The following DENND2C variants were observed in gnomAD, a reference collection of about 807,000 sequenced individuals.
The protein encoded by DENND2C is DENN domain containing 2C.
DENND2C carries 72 observed loss-of-function variants against 112.4 expected under a neutral mutation model. The ratio of observed to expected loss-of-function variants is 0.64; its 90% CI spans 0.53 to 0.78. The LOEUF (loss-of-function observed/expected upper bound fraction) is 0.78, where lower values mean the gene tolerates loss of function less well. Ranked by LOEUF, DENND2C falls within the 30% of genes least tolerant of loss-of-function variation. The probability of loss-of-function intolerance (pLI) is 0.00; values close to 1 mark genes in which losing one functional copy is unlikely to be tolerated. For synonymous variants in DENND2C, 329 were observed against 381.6 expected, an observed-to-expected ratio of 0.86 and a Z score of 1.61; for missense variants, 992 against 1,113.8, an observed-to-expected ratio of 0.89 and a Z score of 1.56.
At chr1:114,664,305 C>T (rs896327647) in intron 1 of DENND2C, among the ~76,000 whole-genome samples, 1 of 151,936 alleles carries the variant, frequency 6.6e-6, no homozygotes, top group South Asian at 2.1e-4. Context: ...AATATGCTTT[C>T]GAAGCTTTGA....
intron 1 of DENND2C, among the ~76,000 whole-genome samples, chr1:114,659,964 T>C (rs1657450568): frequency 2.9e-4 from 1 of 3,454 alleles, no homozygotes; most frequent in Non-Finnish European, 7.1e-4. Flanking sequence ...CTAATTTTTT[T>C]ATTTTTAGTA....
chr1:114,663,896 C>T (rs571656841), intron 1 of DENND2C, among the ~76,000 whole-genome samples: 2 of 151,670 alleles, frequency 1.3e-5, no homozygotes, highest in East Asian at 3.9e-4. Context: ...TATTTGCTAT[C>T]TAGCCCTTTA....
chr1:114,649,840 A>T (rs1391878937), intron 2 of DENND2C, among the ~76,000 whole-genome samples: 1 of 152,218 alleles, frequency 6.6e-6, no homozygotes, highest in Non-Finnish European at 1.5e-5. Flanking sequence ...ACAAAGTAAT[A>T]CTACTACTTT....
chr1:114,637,539 C>A (rs1003209981), intron 3 of DENND2C, among the ~76,000 whole-genome samples: 2 of 151,130 alleles, frequency 1.3e-5, no homozygotes, highest in African/African-American at 4.9e-5. Context: ...TTTGTTGAGA[C>A]AGAGTCTTGC....
At chr1:114,607,011 AG>A (rs1484538775) in intron 10 of DENND2C, among the ~76,000 whole-genome samples, 2 of 152,226 alleles carry the variant, frequency 1.3e-5, no homozygotes, top group Non-Finnish European at 2.9e-5. Context: ...GAGATGTTGC[AG>A]GGCAATGCTG....
rs1654956217 is a variant in DENND2C at position 114,583,493 on chromosome 1, A to AACACGCACACACACACAC, written c.*2106_*2107insGTGTGTGTGTGTGCGTGT. ...ACTTGAATTTGCCCATGAGTTTGAA[A>AACACGCACACACACACAC]ACACACACACACACACACACACACA... On this transcript the variant is annotated 3_prime_UTR_variant, in exon 21 of 21. Coordinates refer to ENST00000393274, the MANE Select transcript of DENND2C (RefSeq NM_001256404.2). 6.9e-6 allele frequency: 1 copy of AACACGCACACACACACAC among 145,908 alleles called. No homozygotes were observed. Among genetic ancestry groups the AACACGCACACACACACAC allele is most frequent in the African/African-American group, 2.5e-5 (1 of 39,244 alleles). The allele number at this position is 145,908 out of a possible 1,614,324, so 9.0% of individuals were successfully genotyped here.
intron 3 of DENND2C, among the ~76,000 whole-genome samples, chr1:114,641,658 A>G (rs1656839903): frequency 6.6e-6 from 1 of 152,128 alleles, no homozygotes; most frequent in Non-Finnish European, 1.5e-5. Context: ...CCAGAAGAAG[A>G]TGCTAGGGTC....
chr1:114,654,827 T>C (rs1310727850), intron 1 of DENND2C, 66 bp from the exon 2 acceptor site: 1 of 151,080 alleles, frequency 6.6e-6, no homozygotes, highest in Non-Finnish European at 1.5e-5. Context: ...CAGGTGCCTA[T>C]ATTTCTGCTA....
At chr1:114,651,305 A>G (rs1013599188) in intron 2 of DENND2C, among the ~76,000 whole-genome samples, 87 of 150,312 alleles carry the variant, frequency 5.8e-4, no homozygotes, top group African/African-American at 2.1e-3. Context: ...ACACACACAC[A>G]CGCCAAGTAT....
At chr1:114,605,185 TAA>T (rs1655626758) in intron 10 of DENND2C, among the ~76,000 whole-genome samples, 154 bp from the exon 11 acceptor site, 2 of 152,136 alleles carry the variant, frequency 1.3e-5, no homozygotes, top group South Asian at 4.1e-4. Context: ...TTAACTAAAT[TAA>T]AAAGTCAATT....
At chr1:114,620,800 G>A (rs549402398) in intron 7 of DENND2C, among the ~76,000 whole-genome samples, 1 of 152,096 alleles carries the variant, frequency 6.6e-6, no homozygotes, top group Non-Finnish European at 1.5e-5. Flanking sequence ...ACATAGTAAA[G>A]AGGAAGGGGC....
chr1:114,658,951 A>G (rs1416961394), intron 1 of DENND2C, among the ~76,000 whole-genome samples: 1 of 152,134 alleles, frequency 6.6e-6, no homozygotes, highest in Non-Finnish European at 1.5e-5. Context: ...CTAAGCTGCA[A>G]GAATTCATTC....
chr1:114,625,447 C>T lies in DENND2C; in HGVS notation c.538G>A (p.Val180Ile), dbSNP rs41274126. The change falls in exon 4 of 21, where the codon GTT (valine) becomes ATT (isoleucine). Residue 180 changes from valine to isoleucine, a missense_variant. Around this residue, in one of 3 missense-constraint regions of DENND2C, gnomAD observed 470 missense variants for 472.7 expected, o/e 0.99. Coordinates refer to ENST00000393274, the MANE Select transcript of DENND2C (RefSeq NM_001256404.2). ...GTTATTCCGTATGAACTATCCAGAACTCTGAAGTTCAGTTCTTTTTCTGAA... is the reference window on the plus strand; with the variant it reads ...GTTATTCCGTATGAACTATCCAGAATTCTGAAGTTCAGTTCTTTTTCTGAA... ...DSSEKELNFR[V>I]LDSSYGITKS... is the part of the protein sequence containing the mutation. 6.2e-7 allele frequency: 1 copy of T among 1,614,012 alleles called. No homozygotes were observed. The highest frequency in any genetic ancestry group is 8.5e-7 in the Non-Finnish European group (1 of 1,180,034).
intron 3 of DENND2C, among the ~76,000 whole-genome samples, chr1:114,643,137 T>C (rs1351312163): frequency 6.6e-6 from 1 of 152,144 alleles, no homozygotes; most frequent in Non-Finnish European, 1.5e-5. Context: ...GTATGAATAG[T>C]GACAAGTAAA....
chr1:114,625,410 T>G lies in DENND2C; in HGVS notation c.575A>C (p.Glu192Ala), dbSNP rs1369794543. The G allele has an allele frequency of 1.9e-6, 3 of 1,614,078 alleles. No homozygotes were observed. The African/African-American group carries it at 4.0e-5, about 22-fold the overall frequency. The change falls in exon 4 of 21, where the codon GAA becomes GCA. Residue 192 changes from glutamate (E) to alanine (A), a missense_variant. Physicochemically the swap from Glu to Ala is moderately radical, Grantham distance 107. This residue lies in a region of DENND2C where 470 missense variants were observed against 472.7 expected (regional missense o/e 0.99). Coordinates refer to ENST00000393274, the MANE Select transcript of DENND2C (RefSeq NM_001256404.2). The part of the protein sequence containing the change: ...DSSYGITKSL[E>A]NIYSEPEGQE... The stretch of plus-strand genomic sequence containing the variant: ...CCCCTCAGGTTCAGAGTAAATATTT[T>G]CTAAGCTCTTGGTTATTCCGTATGA...
rs1338050117 is a variant in DENND2C at position 114,584,140 on chromosome 1, T to C, written c.*1460A>G. On this transcript the variant is annotated 3_prime_UTR_variant, in exon 21 of 21. Transcript: ENST00000393274. ...AAAAGAAATAGCTATATAATCCTAC[T>C]GAGATGAAATTTCCATCTGTAGGAC... 4.6e-5 allele frequency: 7 copies of C among 152,218 alleles called. No homozygotes were observed. The allele number at this position is 152,218 out of a possible 1,614,324, so 9.4% of individuals were successfully genotyped here. A position where few individuals can be genotyped will look rare whatever the true frequency, so the allele number is the denominator to read the frequency against.
chr1:114,591,968 T>G (rs577556688), intron 18 of DENND2C, among the ~76,000 whole-genome samples: 5 of 152,064 alleles, frequency 3.3e-5, no homozygotes, highest in African/African-American at 7.2e-5. Context: ...CACTGCAACC[T>G]CCACCTCCCG....
chr1:114,589,614 C>T (rs1488328264), intron 18 of DENND2C, among the ~76,000 whole-genome samples: 1 of 151,844 alleles, frequency 6.6e-6, no homozygotes, highest in Non-Finnish European at 1.5e-5. Context: ...GCCTTGACCT[C>T]CCAAAGTGCT....
chr1:114,652,143 C>G (rs1009707045), intron 2 of DENND2C, among the ~76,000 whole-genome samples: 8 of 152,140 alleles, frequency 5.3e-5, no homozygotes, highest in African/African-American at 1.7e-4. Flanking sequence ...ACAAACTACC[C>G]AATCAAACAC....
Sources: allele counts gnomAD v4.1 joint callset (sites outside exome capture counted in the v4.1 genomes callset), GRCh38; gene constraint gnomAD v4.1.1; regional missense constraint gnomAD v4.1.1; transcripts MANE v1.5; gene names NCBI Gene and HGNC (gene_info 2026-07-23, HGNC 2026-07-21).